KCNB2: variants seen among roughly 807,000 people sequenced by gnomAD.
The protein encoded by KCNB2 is potassium voltage-gated channel subfamily B member 2.
In KCNB2, 15 loss-of-function variants were observed where a neutral mutation model predicts 61.5. The ratio of observed to expected loss-of-function variants is 0.24; its 90% CI spans 0.16 to 0.38. The LOEUF (loss-of-function observed/expected upper bound fraction) is 0.38, where lower values mean the gene tolerates loss of function less well. Ranked by LOEUF, KCNB2 falls within the 10% of genes least tolerant of loss-of-function variation. The pLI is 1.00. For synonymous variants in KCNB2, 457 were observed against 446.0 expected, an observed-to-expected ratio of 1.02 and a Z score of -0.31; for missense variants, 828 against 1,125.2, an observed-to-expected ratio of 0.74 and a Z score of 3.78.
intron 2 of KCNB2, among the ~76,000 whole-genome samples, chr8:72,638,648 G>C (rs138738135): frequency 5.3e-5 from 8 of 152,222 alleles, no homozygotes; most frequent in African/African-American, 1.9e-4. Context: ...CAAGCCGGCA[G>C]TGTCCCCAAA....
chr8:72,839,020 T>C (rs949387915), intron 2 of KCNB2, among the ~76,000 whole-genome samples: 1 of 152,166 alleles, frequency 6.6e-6, no homozygotes, highest in Non-Finnish European at 1.5e-5. Context: ...ATTCACAAGG[T>C]AATCTAACAT....
At chr8:72,687,989 G>C (rs932271269) in intron 2 of KCNB2, among the ~76,000 whole-genome samples, 8 of 152,138 alleles carry the variant, frequency 5.3e-5, no homozygotes, top group Non-Finnish European at 1.0e-4. Flanking sequence ...ACAAAGTGTG[G>C]AAAGACCAGA....
At position 72,597,742 on chromosome 8, in the gene KCNB2, T is replaced by C. The variant is rs1262913553; in HGVS notation, c.579+29429T>C. Among the ~76,000 whole-genome samples the C allele has an allele frequency of 5.3e-5, 8 of 152,292 alleles. No homozygotes were observed. The East Asian group carries it at 5.8e-4, about 11-fold the overall frequency. The stretch of plus-strand genomic sequence containing the variant: ...TACTGGTCCCATATGGGAATATTAA[T>C]TTGTCCTGGATCCAGGGTTCTAGAA... On this transcript the variant is annotated intron_variant, in intron 2 of 2. Coordinates refer to ENST00000523207, the MANE Select transcript of KCNB2 (RefSeq NM_004770.3).
intron 2 of KCNB2, among the ~76,000 whole-genome samples, chr8:72,883,077 C>T (rs149244654): frequency 6.6e-6 from 1 of 152,160 alleles, no homozygotes; most frequent in Non-Finnish European, 1.5e-5. Flanking sequence ...ACGTTCTCAA[C>T]GCTTTTACAA....
At chr8:72,837,403 T>A (rs1809799820) in intron 2 of KCNB2, among the ~76,000 whole-genome samples, 1 of 152,200 alleles carries the variant, frequency 6.6e-6, no homozygotes, top group Non-Finnish European at 1.5e-5. Flanking sequence ...AACCTGGATT[T>A]TTAACAATTA....
chr8:72,542,296 C>A (rs537849143), intron 1 of KCNB2, among the ~76,000 whole-genome samples: 1 of 152,098 alleles, frequency 6.6e-6, no homozygotes, highest in Admixed American at 6.5e-5. Context: ...ATTTTTCACA[C>A]AATTATTAGG....
At chr8:72,925,775 G>A (rs1463375750) in intron 2 of KCNB2, among the ~76,000 whole-genome samples, 1 of 152,138 alleles carries the variant, frequency 6.6e-6, no homozygotes, top group Non-Finnish European at 1.5e-5. Flanking sequence ...TCATTCTATT[G>A]TAAAAATACA....
chr8:72,592,453 CTGTG>C (rs10676983), intron 2 of KCNB2, among the ~76,000 whole-genome samples: 4 of 149,578 alleles, frequency 2.7e-5, no homozygotes, highest in Non-Finnish European at 5.9e-5. Flanking sequence ...ATTATCAACT[CTGTG>C]TGTGTGTGTG....
chr8:72,807,945 G>A (rs1203433964), intron 2 of KCNB2, among the ~76,000 whole-genome samples: 1 of 152,140 alleles, frequency 6.6e-6, no homozygotes, highest in African/African-American at 2.4e-5. Flanking sequence ...TAAGGAAACA[G>A]AAGGGCAAAG....
intron 2 of KCNB2, among the ~76,000 whole-genome samples, chr8:72,599,295 C>G (rs1807251686): frequency 6.6e-6 from 1 of 152,056 alleles, no homozygotes; most frequent in African/African-American, 2.4e-5. Flanking sequence ...AATAATGCCG[C>G]ATATCTACAA....
intron 2 of KCNB2, among the ~76,000 whole-genome samples, chr8:72,753,138 G>T (rs576972630): frequency 6.6e-6 from 1 of 152,126 alleles, no homozygotes; most frequent in South Asian, 2.1e-4. Flanking sequence ...TAGCAAACCT[G>T]GATCTTTGAA....
At position 72,937,261 on chromosome 8, in the gene KCNB2, G is replaced by T. The variant is rs373737384; in HGVS notation, c.1906G>T (p.Asp636Tyr). ...ASHLQMKFPT[D>Y]LPGTEEHQRA... The stretch of plus-strand genomic sequence containing the variant: ...TCACTTGCAGATGAAGTTCCCAACC[G>T]ACCTCCCAGGGACAGAAGAGCACCA... Residue 636 changes from aspartate to tyrosine, a missense_variant, in exon 3 of 3, where the codon GAC becomes TAC. Physicochemically the swap from Asp to Tyr is radical, Grantham distance 160 (BLOSUM62 -3). Around this residue, in one of 4 missense-constraint regions of KCNB2, gnomAD observed 559 missense variants for 588.4 expected, o/e 0.95. Transcript: ENST00000523207. 79 of 1,613,820 alleles carry T rather than the reference G, an allele frequency of 4.9e-5. No individual in the cohort carries two copies. The highest frequency in any genetic ancestry group is 6.5e-5 in the Non-Finnish European group (77 of 1,179,994).
rs548530671 is a variant in KCNB2 at position 72,551,300 on chromosome 8, C to A, written c.-94+13415C>A. ...CCTAAAACCCTTAAATGATTTCCCA[C>A]TTTTCTTAGGATAAGGTCCTAAACC... On this transcript the variant is annotated intron_variant, in intron 1 of 2. Transcript: ENST00000523207. 8.9e-4 allele frequency among the ~76,000 whole-genome samples: 135 copies of A among 152,110 alleles called. 1 individual carries two copies. Among genetic ancestry groups the A allele is most frequent in the Admixed American group, 1.9e-3 (29 of 15,262 alleles).
Position 72,567,738 on chromosome 8 carries a change from G to T in KCNB2, c.4G>T (p.Ala2Ser). 3 of 1,552,454 alleles carry T rather than the reference G, an allele frequency of 1.9e-6. No homozygotes were observed. The highest frequency in any genetic ancestry group is 1.7e-6 in the Non-Finnish European group (2 of 1,152,946). The change falls in exon 2 of 3, where the codon GCA becomes TCA. Residue 2 changes from alanine (A) to serine (S), a missense_variant. This residue lies in a region of KCNB2 where 62 missense variants were observed against 54.8 expected (regional missense o/e 1.13). Transcript: ENST00000523207. Reference protein sequence around the residue: MAEKAPPGLNRK... With the variant: MSEKAPPGLNRK... Reference sequence around the variant, plus strand: ...CTGCGGCTTTGTCCAGTTCAAAATGGCAGAAAAGGCTCCCCCGGGCTTAAA... The same window carrying T: ...CTGCGGCTTTGTCCAGTTCAAAATGTCAGAAAAGGCTCCCCCGGGCTTAAA...
chr8:72,708,157 C>T (rs1435046001), intron 2 of KCNB2, among the ~76,000 whole-genome samples: 1 of 152,182 alleles, frequency 6.6e-6, no homozygotes, highest in African/African-American at 2.4e-5. Flanking sequence ...GAACCTGCTG[C>T]TGTGGTCCAG....
chr8:72,573,778 C>T (rs1806753563), intron 2 of KCNB2, among the ~76,000 whole-genome samples: 1 of 151,762 alleles, frequency 6.6e-6, no homozygotes, highest in South Asian at 2.1e-4. Flanking sequence ...CTCTGTGTAC[C>T]GTGCAGTGCT....
intron 2 of KCNB2, among the ~76,000 whole-genome samples, chr8:72,809,657 A>T (rs1235471792): frequency 6.6e-6 from 1 of 152,168 alleles, no homozygotes; most frequent in Non-Finnish European, 1.5e-5. Context: ...TGGCAAGGGT[A>T]ATCAGTTTGT....
At chr8:72,820,175 A>T (rs1412510691) in intron 2 of KCNB2, among the ~76,000 whole-genome samples, 1 of 152,206 alleles carries the variant, frequency 6.6e-6, no homozygotes, top group Non-Finnish European at 1.5e-5. Context: ...CCACTGACTT[A>T]GCACAAAAGC....
intron 2 of KCNB2, among the ~76,000 whole-genome samples, chr8:72,631,100 T>C (rs946890786): frequency 6.6e-6 from 1 of 152,206 alleles, no homozygotes; most frequent in African/African-American, 2.4e-5. Flanking sequence ...ATAAAACAGT[T>C]AATATACTGC....
Sources: allele counts gnomAD v4.1 joint callset (sites outside exome capture counted in the v4.1 genomes callset), GRCh38; gene constraint gnomAD v4.1.1; regional missense constraint gnomAD v4.1.1; transcripts MANE v1.5; gene names NCBI Gene and HGNC (gene_info 2026-07-23, HGNC 2026-07-21).